Variants in PDXDC1 observed in about 807,000 individuals in gnomAD.
PDXDC1 encodes the protein pyridoxal dependent decarboxylase domain containing 1.
In PDXDC1, 42 loss-of-function variants were observed where a neutral mutation model predicts 100.1. The ratio of observed to expected loss-of-function variants is 0.42; its 90% CI spans 0.33 to 0.54. PDXDC1 has a LOEUF of 0.54. Ranked by LOEUF, PDXDC1 falls within the 20% of genes least tolerant of loss-of-function variation. PDXDC1 has a pLI of 0.10. For synonymous variants in PDXDC1, 260 were observed against 371.7 expected (o/e 0.70, Z 3.46); for missense variants, 636 against 979.2 (o/e 0.65, Z 4.68).
At chr16:15,092,395 T>C in intron 16 of PDXDC1, 1 of 700,770 alleles carries the variant, frequency 1.4e-6, no homozygotes, top group Non-Finnish European at 2.6e-6. Context: ...ATTAAATATT[T>C]GATTTCAACT....
chr16:15,151,987 G>A, the PDXDC1 span, among the ~76,000 whole-genome samples: 34 of 145,936 alleles, frequency 2.3e-4, no homozygotes, highest in African/African-American at 7.9e-4. Flanking sequence ...TCGGGGCAGG[G>A]AGGGCAGGGC....
intron 22 of PDXDC1, 141 bp downstream of exon 22, chr16:15,035,694 G>C: frequency 1.7e-6 from 1 of 598,200 alleles, no homozygotes; most frequent in South Asian, 2.1e-5. Flanking sequence ...CATCTTGGTA[G>C]CCGTGGGATT....
At chr16:15,027,966 C>T (rs915537864) in intron 14 of PDXDC1, among the ~76,000 whole-genome samples, 4 of 152,280 alleles carry the variant, frequency 2.6e-5, no homozygotes, top group African/African-American at 9.6e-5. Context: ...CCCTTCCCCG[C>T]TTCTGTGTCA....
chr16:15,140,540 G>T (rs375724442), downstream of PDXDC1, among the ~76,000 whole-genome samples: 6 of 152,062 alleles, frequency 3.9e-5, no homozygotes, highest in African/African-American at 1.4e-4. Context: ...GAAAAACCAG[G>T]CAATTAAAAG....
chr16:15,111,239 C>T (rs2047046075), intron 16 of PDXDC1, among the ~76,000 whole-genome samples: 1 of 145,496 alleles, frequency 6.9e-6, no homozygotes, highest in Non-Finnish European at 1.5e-5. Context: ...GGCGGATCAC[C>T]TGAGGTCGGG....
intron 22 of PDXDC1, 41 bp downstream of exon 22, chr16:15,035,594 C>G: frequency 8.1e-7 from 1 of 1,235,980 alleles, no homozygotes; most frequent in Non-Finnish European, 1.2e-6. Flanking sequence ...AACAGGTTTC[C>G]CCTGTTGACT....
chr16:15,073,144 T>A, intron 16 of PDXDC1: 1 of 1,544,566 alleles, frequency 6.5e-7, no homozygotes, highest in Non-Finnish European at 8.9e-7. Flanking sequence ...ATCTGCCATA[T>A]TTTTTATAAA....
intron 16 of PDXDC1, among the ~76,000 whole-genome samples, chr16:15,052,546 A>T (rs1013287538): frequency 5.3e-5 from 8 of 152,178 alleles, no homozygotes; most frequent in Admixed American, 2.0e-4. Context: ...TATATAAGAA[A>T]TTATGAGGCC....
At chr16:15,085,739 C>G (rs980086994) in intron 16 of PDXDC1, 7 of 1,609,870 alleles carry the variant, frequency 4.3e-6, no homozygotes, top group African/African-American at 2.7e-5. Context: ...TGTCATTGAT[C>G]TAGACAATGA....
intron 14 of PDXDC1, among the ~76,000 whole-genome samples, chr16:15,027,842 C>A (rs539503427): frequency 6.6e-6 from 1 of 152,408 alleles, no homozygotes; most frequent in South Asian, 2.1e-4. Context: ...GTGTGGTGGG[C>A]CAGCGTGGTC....
intron 16 of PDXDC1, chr16:15,061,649 A>G (rs2044714668): frequency 8.2e-7 from 1 of 1,221,492 alleles, no homozygotes; most frequent in Non-Finnish European, 1.2e-6. Flanking sequence ...CTCTAGTTCA[A>G]TGCCATCAAT....
intron 1 of PDXDC1, among the ~76,000 whole-genome samples, chr16:14,984,495 A>ATATTTTTTTTT (rs1555542734): frequency 2.7e-5 from 2 of 73,498 alleles, no homozygotes; most frequent in Non-Finnish European, 2.4e-5. Context: ...ATATATATAT[A>ATATTTTTTTTT]TTTTTTTTTT....
rs113882117 is a variant in PDXDC1, at chr16:15,099,189, G to T, written c.1400-39690G>T. 8.6e-3 allele frequency among the ~76,000 whole-genome samples: 1,302 copies of T among 152,228 alleles called. 6 individuals carry two copies. The highest frequency in any genetic ancestry group is 0.037 in the Middle Eastern group (11 of 294). The stretch of plus-strand genomic sequence containing the variant: ...TGTAATCCCTGTACTTTGGGAGGCT[G>T]AGGCAGGTGGCTCACTTGAGATCAG... On this transcript the variant is annotated intron_variant, in intron 16 of 16. Transcript: ENST00000535621.
intron 16 of PDXDC1, chr16:15,094,155 A>G (rs1373966012): frequency 1.3e-6 from 2 of 1,599,456 alleles, no homozygotes; most frequent in African/African-American, 2.7e-5. Context: ...CCAGTCCTCG[A>G]CGCGCCCAGC....
At chr16:15,135,669 C>A (rs555095165) in intron 16 of PDXDC1, 46 of 1,595,078 alleles carry the variant, frequency 2.9e-5, no homozygotes, top group Non-Finnish European at 3.9e-5. Context: ...GCCACACAGG[C>A]CCACTGGAAA....
chr16:15,056,907 G>A lies in PDXDC1; in HGVS notation c.1399+26851G>A, dbSNP rs554705018. ...AATGCAATAGGCCACTCACAGGTGG[G>A]CTGGGAACCGTGGGGGAAGGATTTG... On this transcript the variant is annotated intron_variant, in intron 16 of 16. Transcript: ENST00000535621. 5.0e-4 allele frequency among the ~76,000 whole-genome samples: 76 copies of A among 152,276 alleles called. 1 individual carries two copies. The South Asian group carries it at 5.2e-3, about 10-fold the overall frequency.
At chr16:15,096,921 G>A (rs1029667285) in intron 16 of PDXDC1, among the ~76,000 whole-genome samples, 1 of 152,068 alleles carries the variant, frequency 6.6e-6, no homozygotes, top group Admixed American at 6.6e-5. Flanking sequence ...TCCCACCTTG[G>A]CCTCCCAAAG....
the PDXDC1 span, among the ~76,000 whole-genome samples, chr16:15,145,293 G>A: frequency 3.9e-5 from 6 of 152,226 alleles, no homozygotes; most frequent in Admixed American, 2.0e-4. Context: ...TCACCCACTC[G>A]GCTGTGGGCA....
intron 16 of PDXDC1, among the ~76,000 whole-genome samples, chr16:15,046,455 G>A (rs1473550121): frequency 2.0e-5 from 3 of 152,130 alleles, no homozygotes. Context: ...GCTCCTGTGT[G>A]CTCCAGCACA....
Sources: gnomAD v4.1 joint callset for allele counts (sites outside exome capture counted in the v4.1 genomes callset) on GRCh38, gnomAD v4.1.1 for gene constraint, MANE v1.5 for transcripts, NCBI Gene and HGNC (gene_info 2026-07-23, HGNC 2026-07-21) for gene names.